PTPN21: variants seen among roughly 807,000 people sequenced by gnomAD.
The protein encoded by PTPN21 is protein tyrosine phosphatase non-receptor type 21.
Under a neutral mutation model 131.8 loss-of-function variants are expected in PTPN21, and 77 were observed. That is an observed-to-expected ratio of 0.58 (90% CI 0.49 to 0.71). The LOEUF (loss-of-function observed/expected upper bound fraction) is 0.71, where lower values mean the gene tolerates loss of function less well. Ranked by LOEUF, PTPN21 falls within the 30% of genes least tolerant of loss-of-function variation. PTPN21 has a pLI of 0.00. For missense variants in PTPN21, 1,552 were observed against 1,527.1 expected (o/e 1.02, Z -0.27); for synonymous variants, 715 against 621.3 (o/e 1.15, Z -2.24).
At position 88,479,832 on chromosome 14, in the gene PTPN21, C is replaced by G. The variant is rs1205409242; in HGVS notation, c.1599G>C (p.Val533=). The change falls in exon 13 of 19, where the codon GTG becomes GTC. Residue 533 remains valine (V), a synonymous_variant. Transcript: ENST00000556564. Reference sequence around the variant, plus strand: ...GCTCCGGCACGCTGACCGCGCCCACCACGGGCCGCCGCTCGGCAGGGTAGG... The same window carrying G: ...GCTCCGGCACGCTGACCGCGCCCACGACGGGCCGCCGCTCGGCAGGGTAGG... ...PYPYPAERRP[V]VGAVSVPELT... 1 of 1,551,004 alleles carries G rather than the reference C, an allele frequency of 6.4e-7. No individual in the cohort carries two copies. Among genetic ancestry groups the G allele is most frequent in the African/African-American group, 1.3e-5 (1 of 74,090 alleles).
At chr14:88,509,208 T>C (rs1281132112) in intron 3 of PTPN21, among the ~76,000 whole-genome samples, 1 of 152,188 alleles carries the variant, frequency 6.6e-6, no homozygotes, top group African/African-American at 2.4e-5. Flanking sequence ...AGGTAATTAC[T>C]GGGGTCTATT....
intron 10 of PTPN21, among the ~76,000 whole-genome samples, chr14:88,490,788 C>G (rs2077811435): frequency 1.3e-5 from 2 of 152,220 alleles, no homozygotes; most frequent in Non-Finnish European, 2.9e-5. Context: ...CTGCTGCAGT[C>G]TGAAATACAA....
intron 2 of PTPN21, among the ~76,000 whole-genome samples, chr14:88,529,630 C>T (rs2078526268): frequency 6.6e-6 from 1 of 152,042 alleles, no homozygotes; most frequent in Non-Finnish European, 1.5e-5. Context: ...AAATACATCA[C>T]AAAAAGATCA....
chr14:88,496,520 T>A (rs201784772), intron 9 of PTPN21, 28 bp from the exon 10 acceptor site: 81 of 1,535,562 alleles, frequency 5.3e-5, no homozygotes, highest in East Asian at 2.0e-4. Context: ...CATAAAGCAA[T>A]ATGAAAGCAC....
chr14:88,512,931 G>A (rs1009478057), intron 3 of PTPN21, among the ~76,000 whole-genome samples: 2 of 152,132 alleles, frequency 1.3e-5, no homozygotes, highest in Admixed American at 1.3e-4. Flanking sequence ...TGCCCACTGA[G>A]TTCAGATGAT....
At chr14:88,484,995 C>G in intron 12 of PTPN21, 81 bp downstream of exon 12, 1 of 1,240,974 alleles carries the variant, frequency 8.1e-7, no homozygotes, top group Non-Finnish European at 1.2e-6. Context: ...AAAAACTGTC[C>G]AGGCTTCATG....
intron 12 of PTPN21, among the ~76,000 whole-genome samples, chr14:88,480,829 G>A (rs1370535827): frequency 6.6e-6 from 1 of 152,128 alleles, no homozygotes. Context: ...GACTGTAAAA[G>A]GGTAATGGTA....
intron 5 of PTPN21, among the ~76,000 whole-genome samples, chr14:88,504,771 A>G (rs1295972428): frequency 6.6e-6 from 1 of 152,178 alleles, no homozygotes; most frequent in East Asian, 1.9e-4. Flanking sequence ...GCCAGTCCTG[A>G]GCCCAGCAAG....
chr14:88,540,561 G>T (rs1459832016), intron 2 of PTPN21, among the ~76,000 whole-genome samples: 2 of 152,198 alleles, frequency 1.3e-5, no homozygotes, highest in African/African-American at 4.8e-5. Context: ...GAATCAAATG[G>T]TATAAAGTTC....
At position 88,479,604 on chromosome 14, in the gene PTPN21, G is replaced by A. The variant is rs1053869348; in HGVS notation, c.1827C>T (p.Asp609=). Residue 609 remains aspartate, a synonymous_variant, in exon 13 of 19, where the codon GAC becomes GAT. Transcript: ENST00000556564. ...VHHSVQTFQE[D]SLPVAHSLQE... The stretch of plus-strand genomic sequence containing the variant: ...GCAGCGAGTGCGCCACGGGCAGGCT[G>A]TCCTCCTGGAACGTTTGCACCGAGT... 4.4e-6 allele frequency: 7 copies of A among 1,585,872 alleles called. No individual in the cohort carries two copies. In the African/African-American group the frequency reaches 8.1e-5, roughly 18 times the overall value.
At chr14:88,528,763 C>T (rs1595404172) in intron 2 of PTPN21, among the ~76,000 whole-genome samples, 1 of 152,358 alleles carries the variant, frequency 6.6e-6, no homozygotes, top group East Asian at 1.9e-4. Flanking sequence ...CCATGTGGAA[C>T]TGTAAGTCCA....
At chr14:88,493,403 CA>C (rs2077854320) in intron 10 of PTPN21, among the ~76,000 whole-genome samples, 1 of 152,130 alleles carries the variant, frequency 6.6e-6, no homozygotes, top group African/African-American at 2.4e-5. Context: ...GGCATTTTAG[CA>C]AAGGCCTGGG....
chr14:88,507,296 ATAG>A, intron 4 of PTPN21, among the ~76,000 whole-genome samples: 1 of 152,306 alleles, frequency 6.6e-6, no homozygotes, highest in Middle Eastern at 3.4e-3. Flanking sequence ...GTATATGTAT[ATAG>A]TCATGTGTCA....
At chr14:88,551,896 G>T (rs1010981741) in intron 1 of PTPN21, 1 of 152,278 alleles carries the variant, frequency 6.6e-6, no homozygotes, top group African/African-American at 2.4e-5. Flanking sequence ...ACTAGCTGGG[G>T]ATTTTTATAT....
intron 2 of PTPN21, among the ~76,000 whole-genome samples, chr14:88,531,774 A>G (rs1036086202): frequency 6.6e-5 from 10 of 152,170 alleles, no homozygotes; most frequent in Non-Finnish European, 1.5e-4. Flanking sequence ...CAAAGATCAG[A>G]GCAGAACCAA....
intron 2 of PTPN21, among the ~76,000 whole-genome samples, chr14:88,522,232 G>C (rs1314556214): frequency 1.3e-5 from 2 of 151,852 alleles, no homozygotes; most frequent in Non-Finnish European, 2.9e-5. Flanking sequence ...TTCGAGACTG[G>C]CCTGGCCAAC....
At chr14:88,514,997 T>G (rs2078245246) in intron 3 of PTPN21, 1 of 152,164 alleles carries the variant, frequency 6.6e-6, no homozygotes, top group Admixed American at 6.5e-5. Flanking sequence ...AGGAAACCAC[T>G]CATCTGCTTT....
At chr14:88,530,492 G>A (rs1019769356) in intron 2 of PTPN21, among the ~76,000 whole-genome samples, 9 of 151,908 alleles carry the variant, frequency 5.9e-5, no homozygotes, top group Non-Finnish European at 7.4e-5. Context: ...ATACAGAATG[G>A]CAGAATGGAT....
Position 88,479,474 on chromosome 14 carries a change from T to G in PTPN21, c.1957A>C (p.Lys653Gln). The stretch of plus-strand genomic sequence containing the variant: ...GCCGACGCGGATAGGGTGCGCTCCT[T>G]GAGCCGCAGGCCCTCCAGGCCGTGG... ...LSHGLEGLRL[K>Q]ERTLSASAAE... The change falls in exon 13 of 19, where the codon AAG becomes CAG. Residue 653 changes from lysine to glutamine, a missense_variant. Lys to Gln is a moderately conservative substitution (Grantham distance 53). Transcript: ENST00000556564. 1 of 1,602,096 alleles carries G rather than the reference T, an allele frequency of 6.2e-7. No individual in the cohort carries two copies. The highest frequency in any genetic ancestry group is 1.7e-4 in the Middle Eastern group (1 of 6,052).
Sources: allele counts gnomAD v4.1 joint callset (sites outside exome capture counted in the v4.1 genomes callset), GRCh38; gene constraint gnomAD v4.1.1; transcripts MANE v1.5; gene names NCBI Gene and HGNC (gene_info 2026-07-23, HGNC 2026-07-21).